The following UIMC1 variants were observed in gnomAD, a reference collection of about 807,000 sequenced individuals.
The protein encoded by UIMC1 is ubiquitin interaction motif containing 1, also known as BRCA1-A complex subunit RAP80.
In UIMC1, 42 loss-of-function variants were observed where a neutral mutation model predicts 84.9. The observed-to-expected ratio is 0.49, with a 90% CI of 0.39 to 0.64. UIMC1 has a LOEUF of 0.64. UIMC1 is among the 30% of genes least tolerant of loss of function. The pLI is 0.00. For synonymous variants in UIMC1, 281 were observed against 293.0 expected (o/e 0.96, Z 0.42); for missense variants, 825 against 847.6 (o/e 0.97, Z 0.33).
At chr5:177,021,938 C>T (rs1276346803) in intron 1 of UIMC1, among the ~76,000 whole-genome samples, 1 of 152,154 alleles carries the variant, frequency 6.6e-6, no homozygotes, top group African/African-American at 2.4e-5. Context: ...AGGCGTGAGC[C>T]ACCGCGCCTG....
At chr5:176,949,722 G>A (rs997381083) in intron 9 of UIMC1, among the ~76,000 whole-genome samples, 6 of 152,148 alleles carry the variant, frequency 3.9e-5, no homozygotes, top group African/African-American at 7.2e-5. Flanking sequence ...TACCTGCAGC[G>A]CAGAGACCAG....
At chr5:177,009,833 G>A (rs1345835569), upstream of UIMC1, among the ~76,000 whole-genome samples, 4 of 151,852 alleles carry the variant, frequency 2.6e-5, no homozygotes, top group Admixed American at 1.3e-4. The surrounding 1 kb of genome is among the most constrained non-coding windows in gnomAD (Gnocchi z 4.3). Flanking sequence ...TCAGGAGTTC[G>A]AGACCAGTCT....
intron 9 of UIMC1, among the ~76,000 whole-genome samples, chr5:176,947,282 G>C (rs1765244175): frequency 6.6e-6 from 1 of 152,114 alleles, no homozygotes; most frequent in African/African-American, 2.4e-5. Flanking sequence ...GGGGAAAAAG[G>C]CAAGCAAAGC....
chr5:177,010,824 G>C (rs1775532819), upstream of UIMC1, among the ~76,000 whole-genome samples: 2 of 152,102 alleles, frequency 1.3e-5, no homozygotes, highest in Admixed American at 1.3e-4. Flanking sequence ...CTTTTCAAAA[G>C]GGGGCTGGAG....
chr5:176,988,450 A>G (rs1490504969), intron 1 of UIMC1, among the ~76,000 whole-genome samples: 1 of 152,188 alleles, frequency 6.6e-6, no homozygotes, highest in Non-Finnish European at 1.5e-5. Flanking sequence ...TTCTATTTAT[A>G]AGAAACATCC....
At chr5:176,967,699 T>TCGAGACCAGCCTGGGCAA (rs1323742852) in intron 6 of UIMC1, among the ~76,000 whole-genome samples, 1 of 152,048 alleles carries the variant, frequency 6.6e-6, no homozygotes, top group Non-Finnish European at 1.5e-5. Context: ...GTACAGGAGT[T>TCGAGACCAGCCTGGGCAA]CGAGACCAGC....
At chr5:176,992,628 C>T (rs1264961737) in intron 1 of UIMC1, among the ~76,000 whole-genome samples, 1 of 149,212 alleles carries the variant, frequency 6.7e-6, no homozygotes, top group Non-Finnish European at 1.5e-5. Flanking sequence ...AAGGCCTTGT[C>T]TCTATAAAAA....
chr5:176,997,174 C>T (rs1203347281), intron 1 of UIMC1, among the ~76,000 whole-genome samples: 1 of 152,042 alleles, frequency 6.6e-6, no homozygotes, highest in Non-Finnish European at 1.5e-5. Context: ...TCCAATTCAT[C>T]CTTATGTGCA....
intron 3 of UIMC1, 146 bp downstream of exon 3, chr5:176,975,250 A>G (rs990915342): frequency 1.8e-5 from 13 of 740,830 alleles, no homozygotes; most frequent in Non-Finnish European, 2.7e-5. Context: ...CAATCCTTAC[A>G]ACAATAGCAA....
intron 10 of UIMC1, 41 bp downstream of exon 10, chr5:176,943,294 C>T (rs761255160): frequency 6.3e-7 from 1 of 1,599,918 alleles, no homozygotes; most frequent in Non-Finnish European, 8.5e-7. Flanking sequence ...AAAACCACCA[C>T]ACAAAAAAGT....
At chr5:176,963,955 C>G (rs780733524) in intron 6 of UIMC1, among the ~76,000 whole-genome samples, 1 of 152,142 alleles carries the variant, frequency 6.6e-6, no homozygotes, top group Non-Finnish European at 1.5e-5. Context: ...TCATAATGCT[C>G]TCAAGGTGAT....
At chr5:176,984,608 C>T (rs988993348) in intron 1 of UIMC1, among the ~76,000 whole-genome samples, 9 of 151,906 alleles carry the variant, frequency 5.9e-5, no homozygotes, top group Admixed American at 3.3e-4. Context: ...CAGCGACCAA[C>T]GAGAACAGGC....
chr5:176,939,943 G>C (rs1373127549), intron 10 of UIMC1, among the ~76,000 whole-genome samples: 3 of 152,148 alleles, frequency 2.0e-5, no homozygotes. Context: ...TATCATGTCT[G>C]AAAGTCTGCG....
chr5:176,957,463 AG>A (rs1383161984), intron 7 of UIMC1, among the ~76,000 whole-genome samples: 7 of 152,234 alleles, frequency 4.6e-5, no homozygotes, highest in Non-Finnish European at 1.0e-4. Flanking sequence ...AAGAAGACTT[AG>A]AAGGTAAGCC....
chr5:176,907,357 G>C (rs1759524081), intron 12 of UIMC1, 180 bp from the exon 13 acceptor site: 1 of 586,054 alleles, frequency 1.7e-6, no homozygotes, highest in Middle Eastern at 2.6e-4. Flanking sequence ...CTATAATGAA[G>C]AGAATACATC....
intron 2 of UIMC1, among the ~76,000 whole-genome samples, chr5:176,980,571 T>A (rs960755480): frequency 8.5e-5 from 13 of 152,218 alleles, no homozygotes; most frequent in Non-Finnish European, 1.5e-4. Context: ...AAAGAAATTA[T>A]TGCTTATGGT....
At chr5:176,933,739 T>G (rs778402323) in intron 10 of UIMC1, among the ~76,000 whole-genome samples, 1 of 152,078 alleles carries the variant, frequency 6.6e-6, no homozygotes, top group African/African-American at 2.4e-5. Context: ...TCTTCCTATG[T>G]TGCTCAGGCT....
At chr5:176,990,986 ATTTTTT>A (rs1368981347) in intron 1 of UIMC1, among the ~76,000 whole-genome samples, 9 of 151,632 alleles carry the variant, frequency 5.9e-5, no homozygotes, top group Non-Finnish European at 1.5e-5. Flanking sequence ...CCTCAGTTTT[ATTTTTT>A]ATTTTATTTT....
rs772457429 is a variant in UIMC1, at chr5:176,905,294, CCTT to C, written c.2145_2147del (p.Arg717del). 5 of 1,613,762 alleles carry C rather than the reference CCTT, an allele frequency of 3.1e-6. No individual in the cohort carries two copies. Among genetic ancestry groups the C allele is most frequent in the African/African-American group, 2.7e-5 (2 of 74,890 alleles). On this transcript the variant is annotated inframe_deletion, in exon 15 of 15. Coordinates refer to ENST00000511320, the MANE Select transcript of UIMC1 (RefSeq NM_001199298.2). ...GGACCCTAGAAATTCAGAATTTTCT[CCTT>C]CTTCCTCTGCCAGCTTTGGTCCGTG...
Sources: allele counts gnomAD v4.1 joint callset (sites outside exome capture counted in the v4.1 genomes callset), GRCh38; gene constraint gnomAD v4.1.1; non-coding constraint Gnocchi (gnomAD v3.1); transcripts MANE v1.5; gene names NCBI Gene and HGNC (gene_info 2026-07-23, HGNC 2026-07-21).